SH3RF3: variants seen among roughly 807,000 people sequenced by gnomAD.
SH3RF3 encodes SH3 domain containing ring finger 3, also known as E3 ubiquitin-protein ligase SH3RF3.
SH3RF3 carries 29 observed loss-of-function variants against 66.3 expected under a neutral mutation model. The observed-to-expected ratio is 0.44, with a 90% CI of 0.33 to 0.60. The LOEUF (loss-of-function observed/expected upper bound fraction) is 0.60. Among genes scored for constraint, SH3RF3 ranks in the 20% least tolerant of loss-of-function variants. The probability of loss-of-function intolerance (pLI) is 0.04; values close to 1 mark genes in which losing one functional copy is unlikely to be tolerated. For missense variants in SH3RF3, 1,194 were observed against 1,190.9 expected (o/e 1.00, Z -0.04); for synonymous variants, 583 against 532.0 (o/e 1.10, Z -1.32).
chr2:109,339,113 C>T (rs1682496699), intron 1 of SH3RF3, among the ~76,000 whole-genome samples: 1 of 151,964 alleles, frequency 6.6e-6, no homozygotes, highest in African/African-American at 2.4e-5. Context: ...GTGGGCTGAA[C>T]AGGAGGAGGG....
intron 1 of SH3RF3, among the ~76,000 whole-genome samples, chr2:109,242,321 C>A (rs1205431524): frequency 2.6e-5 from 4 of 152,174 alleles, no homozygotes; most frequent in Non-Finnish European, 4.4e-5. Flanking sequence ...GCCTGGGAGT[C>A]TAGAAGCTCC....
chr2:109,294,116 C>T (rs1422800008), intron 1 of SH3RF3, among the ~76,000 whole-genome samples: 5 of 152,166 alleles, frequency 3.3e-5, no homozygotes, highest in African/African-American at 9.7e-5. Context: ...TATGATTGCT[C>T]CTTGGGCCCC....
At chr2:109,352,855 C>T (rs1489800869) in intron 2 of SH3RF3, among the ~76,000 whole-genome samples, 3 of 152,242 alleles carry the variant, frequency 2.0e-5, no homozygotes, top group Non-Finnish European at 2.9e-5. Flanking sequence ...CCCCTTCTGA[C>T]AGCAAAGGGA....
chr2:109,130,369 C>T (rs1574465209), intron 1 of SH3RF3, among the ~76,000 whole-genome samples: 1 of 152,340 alleles, frequency 6.6e-6, no homozygotes, highest in Non-Finnish European at 1.5e-5. Context: ...ACCCCCGATT[C>T]CTTGGCCGGA....
intron 3 of SH3RF3, among the ~76,000 whole-genome samples, chr2:109,391,389 G>A (rs1675989325): frequency 6.6e-6 from 1 of 152,210 alleles, no homozygotes; most frequent in Non-Finnish European, 1.5e-5. Context: ...GTGCTGGAGG[G>A]ATGCAGGTCA....
At chr2:109,483,956 C>G (rs1678899685) in intron 8 of SH3RF3, among the ~76,000 whole-genome samples, 1 of 152,208 alleles carries the variant, frequency 6.6e-6, no homozygotes, top group South Asian at 2.1e-4. Context: ...CCCGCCATCC[C>G]TGTGCCTCCA....
intron 1 of SH3RF3, among the ~76,000 whole-genome samples, chr2:109,222,572 C>T (rs1679280647): frequency 6.6e-6 from 1 of 152,178 alleles, no homozygotes; most frequent in African/African-American, 2.4e-5. Flanking sequence ...AGAGCAGGCC[C>T]TGGGCTTAGC....
intron 9 of SH3RF3, among the ~76,000 whole-genome samples, chr2:109,492,750 CCT>C (rs754400500): frequency 2.9e-4 from 44 of 152,250 alleles, no homozygotes; most frequent in Non-Finnish European, 4.3e-4. Flanking sequence ...CCCTGAGCTA[CCT>C]CTCTGTAGGG....
intron 9 of SH3RF3, among the ~76,000 whole-genome samples, chr2:109,499,963 T>TG (rs896000977): frequency 1.3e-5 from 2 of 151,030 alleles, no homozygotes; most frequent in African/African-American, 4.9e-5. Context: ...AGGCAGCGAG[T>TG]GGGGGCTCAG....
chr2:109,300,743 G>C (rs1431748435), intron 1 of SH3RF3, among the ~76,000 whole-genome samples: 1 of 152,204 alleles, frequency 6.6e-6, no homozygotes, highest in Non-Finnish European at 1.5e-5. Context: ...GAGCCCACCA[G>C]CTGGAGCAGA....
intron 1 of SH3RF3, among the ~76,000 whole-genome samples, chr2:109,168,168 C>A (rs1440819369): frequency 2.6e-5 from 4 of 152,176 alleles, no homozygotes; most frequent in African/African-American, 4.8e-5. Flanking sequence ...GCCAAAACAG[C>A]AATGAAGACT....
chr2:109,489,944 G>A (rs186869314), intron 8 of SH3RF3, among the ~76,000 whole-genome samples: 4 of 152,162 alleles, frequency 2.6e-5, no homozygotes, highest in African/African-American at 9.7e-5. Flanking sequence ...CACCATGTTG[G>A]CCAGGCTGGT....
intron 1 of SH3RF3, among the ~76,000 whole-genome samples, chr2:109,241,287 T>C (rs1160733753): frequency 6.6e-6 from 1 of 151,306 alleles, no homozygotes; most frequent in Admixed American, 6.6e-5. Flanking sequence ...ACAAATTCAT[T>C]TGTAGTAATG....
rs1679464727 is a variant in SH3RF3, at chr2:109,503,990, T to TG, written c.*2320dup. 6.6e-6 allele frequency: 1 copy of TG among 152,156 alleles called. No individual in the cohort carries two copies. Among genetic ancestry groups the TG allele is most frequent in the Admixed American group, 6.5e-5 (1 of 15,280 alleles). The allele number at this position is 152,156 out of a possible 1,614,324, so 9.4% of individuals were successfully genotyped here. On this transcript the variant is annotated 3_prime_UTR_variant, in exon 10 of 10. Transcript: ENST00000309415. ...GGTGCCACCTTAGGAAGGAGAGCGATGCGTGGGTCTGGCCAGAGCTCTGGA... is the reference window on the plus strand; with the variant it reads ...GGTGCCACCTTAGGAAGGAGAGCGATGGCGTGGGTCTGGCCAGAGCTCTGGA...
intron 1 of SH3RF3, among the ~76,000 whole-genome samples, chr2:109,195,972 C>T (rs1678489879): frequency 6.6e-6 from 1 of 152,240 alleles, no homozygotes; most frequent in Admixed American, 6.5e-5. Context: ...TGCGGGCCTT[C>T]TGGAGACACC....
intron 3 of SH3RF3, among the ~76,000 whole-genome samples, chr2:109,375,525 G>T (rs192704854): frequency 6.6e-6 from 1 of 152,178 alleles, no homozygotes; most frequent in Admixed American, 6.5e-5. Context: ...ACACTCCACC[G>T]GGCCTTCCTT....
At chr2:109,130,896 C>T (rs914981318) in intron 1 of SH3RF3, among the ~76,000 whole-genome samples, 8 of 152,204 alleles carry the variant, frequency 5.3e-5, no homozygotes, top group East Asian at 1.9e-4. Flanking sequence ...ATTACACACC[C>T]TTGCCACCTT....
At chr2:109,160,185 C>T (rs979559459) in intron 1 of SH3RF3, among the ~76,000 whole-genome samples, 2 of 152,124 alleles carry the variant, frequency 1.3e-5, no homozygotes, top group African/African-American at 2.4e-5. Context: ...CACTCTCTGC[C>T]CTCAGGAAGC....
At chr2:109,139,865 G>A (rs1676900055) in intron 1 of SH3RF3, among the ~76,000 whole-genome samples, 1 of 152,234 alleles carries the variant, frequency 6.6e-6, no homozygotes, top group Non-Finnish European at 1.5e-5. Flanking sequence ...GACATCTGGA[G>A]TCGTGTGGAC....
Sources: allele counts gnomAD v4.1 joint callset (sites outside exome capture counted in the v4.1 genomes callset), GRCh38; gene constraint gnomAD v4.1.1; transcripts MANE v1.5; gene names NCBI Gene and HGNC (gene_info 2026-07-23, HGNC 2026-07-21).